TRPC1: variants seen among roughly 807,000 people sequenced by gnomAD.
The protein encoded by TRPC1 is transient receptor potential cation channel subfamily C member 1.
In TRPC1, 42 loss-of-function variants were observed where a neutral mutation model predicts 88.2. That is an observed-to-expected ratio of 0.48 (90% CI 0.37 to 0.62). TRPC1 has a LOEUF of 0.62. Among genes scored for constraint, TRPC1 ranks in the 20% least tolerant of loss-of-function variants. The probability of loss-of-function intolerance (pLI) is 0.00; values close to 1 mark genes in which losing one functional copy is unlikely to be tolerated. For missense variants in TRPC1, 699 were observed against 957.3 expected, an observed-to-expected ratio of 0.73 and a Z score of 3.56; for synonymous variants, 288 against 331.8, an observed-to-expected ratio of 0.87 and a Z score of 1.43.
At chr3:142,787,827 G>A (rs1936178054) in intron 7 of TRPC1, among the ~76,000 whole-genome samples, 1 of 152,178 alleles carries the variant, frequency 6.6e-6, no homozygotes, top group Admixed American at 6.5e-5. Flanking sequence ...CAGGGAGGTT[G>A]GGAAAGACAC....
rs1206637915 is a variant in TRPC1 at position 142,764,016 on chromosome 3, AAC to A, written c.633-13614_633-13613del. 2.3e-4 allele frequency among the ~76,000 whole-genome samples: 31 copies of A among 137,622 alleles called. 1 individual carries two copies. Among genetic ancestry groups the A allele is most frequent in the African/African-American group, 8.6e-4 (28 of 32,616 alleles). The allele number at this position is 137,622 out of a possible 152,430, so 90.3% of individuals were successfully genotyped here. ...CATACATACATATATATATATATAT[AAC>A]AAATTATTTTAAAGAGATGACACTT... On this transcript the variant is annotated intron_variant, in intron 4 of 12. Coordinates refer to ENST00000476941, the MANE Select transcript of TRPC1 (RefSeq NM_001251845.2).
intron 7 of TRPC1, among the ~76,000 whole-genome samples, chr3:142,786,310 G>A (rs1936132409): frequency 6.6e-6 from 1 of 151,886 alleles, no homozygotes; most frequent in African/African-American, 2.4e-5. Flanking sequence ...ACTTTCATAA[G>A]TTATTTCACA....
At chr3:142,739,892 T>C (rs1214650684) in intron 2 of TRPC1, among the ~76,000 whole-genome samples, 1 of 152,178 alleles carries the variant, frequency 6.6e-6, no homozygotes, top group Admixed American at 6.5e-5. Flanking sequence ...CCATGGCCTA[T>C]ATGGTTCCGT....
In TRPC1 at chr3:142,807,216, TA is replaced by T. The variant is rs1936820857; in HGVS notation, c.*982del. The T allele has an allele frequency of 6.6e-6, 1 of 152,224 alleles. No homozygotes were observed. The highest frequency in any genetic ancestry group is 1.5e-5 in the Non-Finnish European group (1 of 68,038). 9.4% of individuals were successfully genotyped at this position (152,224 alleles called of 1,614,324 possible). A position where few individuals can be genotyped will look rare whatever the true frequency, so the allele number is the denominator to read the frequency against. ...GTCTCTTTAATGCAATGATTTGTTT[TA>T]TATTTGGACTAAGGTTCTTGAGCTT... On this transcript the variant is annotated 3_prime_UTR_variant, in exon 13 of 13. Coordinates refer to ENST00000476941, the MANE Select transcript of TRPC1 (RefSeq NM_001251845.2).
intron 4 of TRPC1, among the ~76,000 whole-genome samples, chr3:142,768,095 G>A (rs1056173707): frequency 6.6e-6 from 1 of 151,922 alleles, no homozygotes; most frequent in Non-Finnish European, 1.5e-5. Flanking sequence ...TGTATTAAGA[G>A]GGTCCATGGC....
chr3:142,762,428 A>ATTT (rs755194552), intron 4 of TRPC1, among the ~76,000 whole-genome samples: 10,542 of 103,432 alleles, frequency 0.1, 680 homozygotes, highest in Non-Finnish European at 0.15. Context: ...TTTATTCTTG[A>ATTT]TTTTTTTTTT....
chr3:142,748,415 C>T lies in TRPC1; in HGVS notation c.587C>T (p.Thr196Ile). ...PKPHAVGCECTLCSAKNKKDS... is the reference protein window; with the variant it reads ...PKPHAVGCECILCSAKNKKDS... The stretch of plus-strand genomic sequence containing the variant: ...CCCCATGCAGTTGGCTGTGAATGCA[C>T]ATTGTGTTCTGCAAAAAACAAAAAG... Residue 196 changes from threonine (T) to isoleucine (I), a missense_variant, in exon 4 of 13, where the codon ACA becomes ATA. Thr to Ile is a moderately conservative substitution (Grantham distance 89, BLOSUM62 -1). This residue lies in a region of TRPC1 where 426 missense variants were observed against 641.3 expected (regional missense o/e 0.66). Transcript: ENST00000476941. The T allele has an allele frequency of 6.2e-7, 1 of 1,614,114 alleles. No homozygotes were observed. Among genetic ancestry groups the T allele is most frequent in the Non-Finnish European group, 8.5e-7 (1 of 1,179,972 alleles).
At chr3:142,788,252 A>C (rs959537728) in intron 7 of TRPC1, among the ~76,000 whole-genome samples, 1 of 152,134 alleles carries the variant, frequency 6.6e-6, no homozygotes, top group Non-Finnish European at 1.5e-5. Context: ...AGGGAGACCA[A>C]TATCGATGCT....
At chr3:142,793,218 A>G (rs1311457628) in intron 9 of TRPC1, among the ~76,000 whole-genome samples, 1 of 152,064 alleles carries the variant, frequency 6.6e-6, no homozygotes, top group Non-Finnish European at 1.5e-5. Flanking sequence ...TCATAGACAT[A>G]GATATGTTTA....
Position 142,743,484 on chromosome 3 carries a change from G to C in TRPC1, c.328-1G>C. On this transcript the variant is annotated splice_acceptor_variant, in intron 2 of 12. Coordinates refer to ENST00000476941, the MANE Select transcript of TRPC1 (RefSeq NM_001251845.2). LOFTEE classifies it high-confidence loss of function. The stretch of plus-strand genomic sequence containing the variant: ...ATTTTTAACTTTTTTTTTTTTTGAA[G>C]TCTGCAGATGCACTTTTGGTGGCAA... 1 of 1,458,622 alleles carries C rather than the reference G, an allele frequency of 6.9e-7. No individual in the cohort carries two copies. The highest frequency in any genetic ancestry group is 9.0e-7 in the Non-Finnish European group (1 of 1,108,312). 90.4% of individuals were successfully genotyped at this position (1,458,622 alleles called of 1,614,324 possible).
intron 4 of TRPC1, among the ~76,000 whole-genome samples, chr3:142,773,576 A>G (rs1935653536): frequency 1.4e-5 from 2 of 143,434 alleles, no homozygotes; most frequent in Admixed American, 1.4e-4. Flanking sequence ...GTCACTCTGC[A>G]GGCAGTTTTT....
intron 4 of TRPC1, among the ~76,000 whole-genome samples, chr3:142,762,428 A>ATTTTTTTT (rs755194552): frequency 2.9e-5 from 3 of 103,654 alleles, no homozygotes; most frequent in African/African-American, 1.1e-4. Flanking sequence ...TTTATTCTTG[A>ATTTTTTTT]TTTTTTTTTT....
intron 1 of TRPC1, among the ~76,000 whole-genome samples, chr3:142,735,224 CA>C (rs1324508230): frequency 6.6e-6 from 1 of 152,104 alleles, no homozygotes; most frequent in African/African-American, 2.4e-5. Context: ...AGTTTAAGGC[CA>C]TAGATTAAAA....
chr3:142,800,430 T>A (rs1042813877), intron 9 of TRPC1, among the ~76,000 whole-genome samples: 15 of 152,118 alleles, frequency 9.9e-5, no homozygotes, highest in African/African-American at 3.1e-4. Context: ...AAGTAGCTGG[T>A]CCACTTTAGT....
intron 9 of TRPC1, among the ~76,000 whole-genome samples, chr3:142,798,610 G>A (rs1408989639): frequency 6.6e-6 from 1 of 152,212 alleles, no homozygotes; most frequent in Non-Finnish European, 1.5e-5. Context: ...AGAGAAGACA[G>A]CATATCCTTT....
At chr3:142,765,734 T>TA (rs1366585285) in intron 4 of TRPC1, among the ~76,000 whole-genome samples, 1 of 152,102 alleles carries the variant, frequency 6.6e-6, no homozygotes, top group Non-Finnish European at 1.5e-5. Context: ...GGGACCTAAT[T>TA]AAACTGAAGA....
At position 142,806,508 on chromosome 3, in the gene TRPC1, TA is replaced by T. The variant is rs1936798355; in HGVS notation, c.*277del. On this transcript the variant is annotated 3_prime_UTR_variant, in exon 13 of 13. Coordinates refer to ENST00000476941, the MANE Select transcript of TRPC1 (RefSeq NM_001251845.2). The stretch of plus-strand genomic sequence containing the variant: ...TGCTTGGTTTTCTTACTTAGTGCTT[TA>T]AAATGTTTTTTTTTATGTTTAAGAG... 4.3e-6 allele frequency: 1 copy of T among 230,888 alleles called. No homozygotes were observed. The highest frequency in any genetic ancestry group is 9.8e-5 in the South Asian group (1 of 10,210). The allele number at this position is 230,888 out of a possible 1,614,324, so 14.3% of individuals were successfully genotyped here. A position where few individuals can be genotyped will look rare whatever the true frequency, so the allele number is the denominator to read the frequency against.
chr3:142,755,663 A>G (rs1364286957), intron 4 of TRPC1, among the ~76,000 whole-genome samples: 1 of 152,186 alleles, frequency 6.6e-6, no homozygotes, highest in Non-Finnish European at 1.5e-5. Flanking sequence ...TTAGTGTTTT[A>G]AAAGTACTTT....
intron 7 of TRPC1, among the ~76,000 whole-genome samples, chr3:142,789,124 G>A (rs77947761): frequency 0.072 from 11,021 of 152,158 alleles, 600 homozygotes; most frequent in Middle Eastern, 0.17. Context: ...AAGGGTTTTT[G>A]TTTGAAGATG....
Sources: allele counts gnomAD v4.1 joint callset (sites outside exome capture counted in the v4.1 genomes callset), GRCh38; gene constraint gnomAD v4.1.1; regional missense constraint gnomAD v4.1.1; transcripts MANE v1.5; gene names NCBI Gene and HGNC (gene_info 2026-07-23, HGNC 2026-07-21).